KDM6A: variants seen among roughly 807,000 people sequenced by gnomAD.
KDM6A encodes lysine-specific demethylase 6A.
Under a neutral mutation model 117.6 loss-of-function variants are expected in KDM6A, and 11 were observed. The ratio of observed to expected loss-of-function variants is 0.09; its 90% confidence interval spans 0.06 to 0.15. The LOEUF is 0.15. Among genes scored for constraint, KDM6A ranks in the 10% least tolerant of loss-of-function variants. The pLI is 1.00. For synonymous variants in KDM6A, 384 were observed against 396.1 expected (o/e 0.97, Z 0.36); for missense variants, 799 against 1,077.3 (o/e 0.74, Z 3.62).
intron 29 of KDM6A, 74 bp downstream of exon 29, chrX:45,110,323 A>G (rs2148310034): frequency 1.1e-6 from 1 of 898,143 alleles, no homozygotes; most frequent in Middle Eastern, 2.7e-4. Flanking sequence ...CCACCTGATA[A>G]GTAGGAGGTA....
At chrX:44,915,797 A>C (rs1240108382) in intron 2 of KDM6A, among the ~76,000 whole-genome samples, 1 of 111,621 alleles carries the variant, frequency 9.0e-6, no homozygotes, top group Non-Finnish European at 1.9e-5. Context: ...GCTTGTGTTC[A>C]AGTAACCCTT....
chrX:44,908,664 C>G (rs1196768820), intron 2 of KDM6A, among the ~76,000 whole-genome samples: 1 of 111,518 alleles, frequency 9.0e-6, no homozygotes, highest in African/African-American at 3.3e-5. Context: ...TCATTTTTGC[C>G]CTAACCTGTT....
chrX:44,901,996 G>A (rs1038935549), intron 2 of KDM6A, among the ~76,000 whole-genome samples: 9 of 112,359 alleles, frequency 8.0e-5, no homozygotes, highest in African/African-American at 2.6e-4. Context: ...GGAGGCCGAG[G>A]CAGGCGGATC....
chrX:45,099,450 C>T lies in KDM6A; in HGVS notation c.4035-7960C>T, dbSNP rs73493136. 7.4e-3 allele frequency among the ~76,000 whole-genome samples: 820 copies of T among 110,375 alleles called. 14 individuals carry two copies. The highest frequency in any genetic ancestry group is 0.026 in the African/African-American group (785 of 30,307). Reference sequence around the variant, plus strand: ...GAAGACAGCAGACCTTTGTGTTGTGCAGAGTTCTACATTCTGGATTTGTTT... The same window carrying T: ...GAAGACAGCAGACCTTTGTGTTGTGTAGAGTTCTACATTCTGGATTTGTTT... On this transcript the variant is annotated intron_variant, in intron 27 of 29. Coordinates refer to ENST00000611820, the MANE Select transcript of KDM6A (RefSeq NM_001291415.2).
chrX:45,093,650 C>G (rs767698269), intron 27 of KDM6A, among the ~76,000 whole-genome samples: 1 of 110,903 alleles, frequency 9.0e-6, no homozygotes, highest in South Asian at 3.9e-4. Flanking sequence ...GTCTTTTCTT[C>G]TTGTTGCCTG....
chrX:44,873,325 A>T lies in KDM6A; in HGVS notation c.-227A>T. ...CTGCCCAACCCCGCGATGTGACCCTACAGCCGAAAGCCGCCGCTGCCGACC... is the reference window on the plus strand; with the variant it reads ...CTGCCCAACCCCGCGATGTGACCCTTCAGCCGAAAGCCGCCGCTGCCGACC... On this transcript the variant is annotated 5_prime_UTR_variant, in exon 1 of 30. Transcript: ENST00000611820. 1 of 431,295 alleles carries T rather than the reference A, an allele frequency of 2.3e-6. No homozygotes were observed. 35.5% of individuals were successfully genotyped at this position (431,295 alleles called of 1,213,427 possible). A position where few individuals can be genotyped will look rare whatever the true frequency, so the allele number is the denominator to read the frequency against.
intron 4 of KDM6A, among the ~76,000 whole-genome samples, chrX:44,976,244 T>C (rs1181363547): frequency 3.6e-5 from 4 of 111,758 alleles, no homozygotes; most frequent in African/African-American, 9.8e-5. Context: ...CTTTATATAT[T>C]TGTCTTTTCT....
chrX:45,037,538 C>CT, intron 7 of KDM6A, 117 bp from the exon 8 acceptor site: 1 of 553,313 alleles, frequency 1.8e-6, no homozygotes, highest in Non-Finnish European at 3.1e-6. Flanking sequence ...TTTTCTATTA[C>CT]TTAAATCTAT....
At chrX:44,908,572 G>A (rs1027128422) in intron 2 of KDM6A, among the ~76,000 whole-genome samples, 1 of 111,327 alleles carries the variant, frequency 9.0e-6, no homozygotes, top group South Asian at 3.7e-4. Flanking sequence ...GAAGCTCAGG[G>A]ATCCAAGAGT....
Position 44,873,596 on chromosome X carries a change from C to T in KDM6A, c.45C>T (p.Ala15=), listed in dbSNP as rs746032827. ...CGCTCGCTACCGCCGCCGCTGCCGC[C>T]GCCGCTTTCGGTGATGAGGAAAAGA... ...GVSLATAAAA[A]AAFGDEEKKM... Residue 15 remains alanine, a synonymous_variant, in exon 1 of 30, where the codon GCC becomes GCT. Transcript: ENST00000611820. The T allele has an allele frequency of 2.9e-5, 35 of 1,205,969 alleles. No individual in the cohort carries two copies. The highest frequency in any genetic ancestry group is 3.7e-5 in the Non-Finnish European group (33 of 893,357).
chrX:45,008,930 A>G (rs2041632866), intron 4 of KDM6A, among the ~76,000 whole-genome samples: 1 of 112,060 alleles, frequency 8.9e-6, no homozygotes, highest in Non-Finnish European at 1.9e-5. Context: ...TGAAATTACC[A>G]TATTTTTACA....
At chrX:44,915,182 A>G (rs2035473890) in intron 2 of KDM6A, among the ~76,000 whole-genome samples, 1 of 111,787 alleles carries the variant, frequency 8.9e-6, no homozygotes, top group Admixed American at 9.5e-5. Context: ...AAAAATGGCT[A>G]TTTATTTTAA....
chrX:44,963,499 C>CTGTCTGTCTGTCTGTCTCTG (rs796328734), intron 3 of KDM6A, among the ~76,000 whole-genome samples: 5,491 of 80,925 alleles, frequency 0.068, 199 homozygotes, highest in Admixed American at 0.12. Context: ...GTCTGTCTGT[C>CTGTCTGTCTGTCTGTCTCTG]TCTGTCTGTC....
chrX:45,083,221 A>G (rs1443904871), intron 23 of KDM6A, among the ~76,000 whole-genome samples: 2 of 112,040 alleles, frequency 1.8e-5, no homozygotes, highest in Non-Finnish European at 3.8e-5. Context: ...TATAAAATAT[A>G]ATTGTACAAC....
intron 4 of KDM6A, among the ~76,000 whole-genome samples, chrX:44,980,186 A>AG (rs34768805): frequency 0.22 from 23,623 of 109,066 alleles, 4,339 homozygotes; most frequent in African/African-American, 0.6. Flanking sequence ...TAGTAGAGAC[A>AG]GGTTTCACCA....
rs1431712406 is a variant in KDM6A, at chrX:45,083,551, A to G, written c.3532A>G (p.Ile1178Val). The G allele has an allele frequency of 1.7e-6, 2 of 1,207,579 alleles. No homozygotes were observed. The highest frequency in any genetic ancestry group is 2.2e-6 in the Non-Finnish European group (2 of 891,507). The stretch of plus-strand genomic sequence containing the variant: ...TCTTCTAAGCCATGTTGGTCATACC[A>G]TATTGGGCATGAACACAGTTCAACT... ...GNLLSHVGHTILGMNTVQLYM... is the reference protein window; with the variant it reads ...GNLLSHVGHTVLGMNTVQLYM... Residue 1178 changes from isoleucine to valine, a missense_variant, in exon 24 of 30, where the codon ATA becomes GTA. Ile to Val is a conservative substitution (Grantham distance 29). This residue lies in a region of KDM6A where 291 missense variants were observed against 437.9 expected (regional missense o/e 0.66). Transcript: ENST00000611820.
intron 7 of KDM6A, among the ~76,000 whole-genome samples, chrX:45,035,255 A>T (rs1483944339): frequency 8.9e-6 from 1 of 111,978 alleles, no homozygotes. Context: ...TCTGTCGTGT[A>T]TTATATTGTA....
intron 8 of KDM6A, among the ~76,000 whole-genome samples, chrX:45,048,880 C>T (rs1214971444): frequency 9.1e-6 from 1 of 110,119 alleles, no homozygotes; most frequent in Non-Finnish European, 1.9e-5. Flanking sequence ...TAAAGATAAA[C>T]TCAAGTTACT....
intron 4 of KDM6A, among the ~76,000 whole-genome samples, chrX:45,002,861 GC>G (rs1169401246): frequency 0.22 from 4,858 of 21,947 alleles, 496 homozygotes; most frequent in African/African-American, 0.41. Context: ...TCCCCTCCCC[GC>G]CCCCCCCCCC....
Sources: allele counts gnomAD v4.1 joint callset (sites outside exome capture counted in the v4.1 genomes callset), GRCh38; gene constraint gnomAD v4.1.1; regional missense constraint gnomAD v4.1.1; transcripts MANE v1.5; gene names NCBI Gene and HGNC (gene_info 2026-07-23, HGNC 2026-07-21).